The following RNF130 variants were observed in gnomAD, a reference collection of about 807,000 sequenced individuals.
RNF130 encodes the protein E3 ubiquitin-protein ligase RNF130.
In RNF130, 21 loss-of-function variants were observed where a neutral mutation model predicts 44.6. The ratio of observed to expected loss-of-function variants is 0.47; its 90% confidence interval spans 0.33 to 0.68. The LOEUF (loss-of-function observed/expected upper bound fraction) is 0.68, where lower values mean the gene tolerates loss of function less well. RNF130 is among the 30% of genes least tolerant of loss of function. RNF130 has a pLI of 0.02. For missense variants in RNF130, 479 were observed against 560.6 expected (o/e 0.85, Z 1.47); for synonymous variants, 214 against 210.4 (o/e 1.02, Z -0.15).
chr5:179,984,785 A>G (rs1375130606), intron 3 of RNF130, among the ~76,000 whole-genome samples: 5 of 152,180 alleles, frequency 3.3e-5, no homozygotes. Flanking sequence ...CCTTTTCCAT[A>G]TAAGTTAAGC....
chr5:180,047,477 G>C (rs1438823108), intron 1 of RNF130, among the ~76,000 whole-genome samples: 1 of 152,168 alleles, frequency 6.6e-6, no homozygotes, highest in Non-Finnish European at 1.5e-5. Flanking sequence ...CGGCGTGGTG[G>C]TTCATAGCTG....
intron 3 of RNF130, among the ~76,000 whole-genome samples, chr5:179,983,737 C>T (rs1762894457): frequency 6.6e-6 from 1 of 152,204 alleles, no homozygotes; most frequent in Non-Finnish European, 1.5e-5. Flanking sequence ...GGAGAACTGG[C>T]ATCTTAACAA....
intron 3 of RNF130, among the ~76,000 whole-genome samples, chr5:179,992,887 A>G (rs1236625582): frequency 2.6e-5 from 4 of 152,012 alleles, no homozygotes; most frequent in Non-Finnish European, 5.9e-5. Context: ...CCCCCAACCC[A>G]TGACAGGCCC....
At chr5:179,951,453 G>A (rs532887348), downstream of RNF130, among the ~76,000 whole-genome samples, 616 of 150,956 alleles carry the variant, frequency 4.1e-3, 2 homozygotes, top group Non-Finnish European at 5.1e-3. Flanking sequence ...GCGCGATCTC[G>A]GCTCATTGCA....
intron 1 of RNF130, among the ~76,000 whole-genome samples, chr5:180,070,875 G>T (rs568984016): frequency 6.6e-6 from 1 of 152,236 alleles, no homozygotes; most frequent in African/African-American, 2.4e-5. Context: ...TCCGATTAGT[G>T]TCAGATCCTC....
At chr5:179,954,758 G>C (rs76761674), downstream of RNF130, among the ~76,000 whole-genome samples, 482 of 152,308 alleles carry the variant, frequency 3.2e-3, 13 homozygotes, top group Admixed American at 0.029. Flanking sequence ...CTGCTGATTT[G>C]AGCATGACTA....
chr5:180,040,717 T>G, intron 1 of RNF130, 70 bp from the exon 2 acceptor site: 1 of 1,420,650 alleles, frequency 7.0e-7, no homozygotes, highest in Non-Finnish European at 9.6e-7. Flanking sequence ...AAGTGTCAAC[T>G]GCTTTCTGAA....
chr5:179,989,815 T>C (rs72813784), intron 3 of RNF130, among the ~76,000 whole-genome samples: 89 of 152,328 alleles, frequency 5.8e-4, no homozygotes, highest in Non-Finnish European at 1.0e-3. Flanking sequence ...TCTTCTGTCT[T>C]TGTGGTTTCA....
Position 179,949,620 on chromosome 5 carries a change from A to C in RNF130, c.1150+17186T>G, listed in dbSNP as rs1187766782. 8.5e-5 allele frequency among the ~76,000 whole-genome samples: 13 copies of C among 152,382 alleles called. 1 individual carries two copies. The South Asian group carries it at 2.3e-3, about 27-fold the overall frequency. On this transcript the variant is annotated intron_variant, in intron 7 of 7. Coordinates refer to the RNF130 transcript ENST00000522208. ...AATTTTAATCTCGAATTTTTTAAAT[A>C]GTAAACAAAAATTATTCAACTTTAT...
intron 1 of RNF130, among the ~76,000 whole-genome samples, chr5:180,058,832 G>A (rs1358526260): frequency 6.6e-6 from 1 of 152,132 alleles, no homozygotes; most frequent in South Asian, 2.1e-4. Flanking sequence ...AAAGTGCTGG[G>A]ATTACAGGCT....
Position 179,938,807 on chromosome 5 carries a change from C to A in RNF130, c.1151-18381G>T, listed in dbSNP as rs543938877. 2.0e-5 allele frequency among the ~76,000 whole-genome samples: 3 copies of A among 152,296 alleles called. No individual in the cohort carries two copies. In the East Asian group the frequency reaches 5.8e-4, roughly 29 times the overall value. On this transcript the variant is annotated intron_variant, in intron 7 of 7. Coordinates refer to the RNF130 transcript ENST00000522208. ...TGCAATTATTTCTGTAGAAGACTCA[C>A]CCTGGCAATGTTAACTTCACAGCAG...
intron 2 of RNF130, among the ~76,000 whole-genome samples, chr5:180,026,409 T>C (rs534622618): frequency 6.6e-6 from 1 of 152,346 alleles, no homozygotes; most frequent in South Asian, 2.1e-4. Flanking sequence ...GTATGCATTA[T>C]TGTAAACTAT....
chr5:180,010,283 G>A (rs1259830258), intron 3 of RNF130, among the ~76,000 whole-genome samples: 1 of 146,890 alleles, frequency 6.8e-6, no homozygotes, highest in East Asian at 2.0e-4. Context: ...GTATCTCAAG[G>A]TAATTATGCT....
chr5:179,926,727 G>A (rs1429489380), intron 7 of RNF130, among the ~76,000 whole-genome samples: 4 of 152,056 alleles, frequency 2.6e-5, no homozygotes, highest in Non-Finnish European at 5.9e-5. Flanking sequence ...CCTAAGGAGG[G>A]GGCGGTGGGC....
At chr5:179,938,725 C>G (rs1444982182) in intron 7 of RNF130, among the ~76,000 whole-genome samples, 1 of 152,044 alleles carries the variant, frequency 6.6e-6, no homozygotes, top group Non-Finnish European at 1.5e-5. Context: ...TATATTAAAC[C>G]AGAAATATAT....
intron 5 of RNF130, among the ~76,000 whole-genome samples, chr5:179,976,046 G>T (rs1042656984): frequency 1.3e-5 from 2 of 152,198 alleles, no homozygotes; most frequent in African/African-American, 4.8e-5. Context: ...AAGAGGGCCA[G>T]ACGTCAGGCT....
intron 2 of RNF130, among the ~76,000 whole-genome samples, chr5:180,038,253 C>G (rs1764297269): frequency 6.6e-6 from 1 of 151,214 alleles, no homozygotes; most frequent in Non-Finnish European, 1.5e-5. Flanking sequence ...TGGGGTCTCC[C>G]TATGTTGCCC....
intron 8 of RNF130, among the ~76,000 whole-genome samples, chr5:179,959,982 G>C (rs966625486): frequency 6.6e-6 from 1 of 152,090 alleles, no homozygotes; most frequent in Admixed American, 6.5e-5. Context: ...AGGGCTCTAG[G>C]GGATACCTAG....
At chr5:179,915,334 AAAACAAAC>A (rs567994937) in exon 8 of RNF130, 2 of 152,386 alleles carry the variant, frequency 1.3e-5, no homozygotes, top group African/African-American at 2.4e-5. Flanking sequence ...GTCTCGAAAT[AAAACAAAC>A]AAACAAACAA....
Sources: gnomAD v4.1 joint callset for allele counts (sites outside exome capture counted in the v4.1 genomes callset) on GRCh38, gnomAD v4.1.1 for gene constraint, MANE v1.5 for transcripts, NCBI Gene and HGNC (gene_info 2026-07-23, HGNC 2026-07-21) for gene names.